Variants in PLA2G4A observed in about 807,000 individuals in gnomAD.
The protein encoded by PLA2G4A is phospholipase A2 group IVA, also known as cytosolic phospholipase A2.
Under a neutral mutation model 81.9 loss-of-function variants are expected in PLA2G4A, and 40 were observed. The observed-to-expected ratio is 0.49, with a 90% confidence interval of 0.38 to 0.64. PLA2G4A has a LOEUF of 0.64. PLA2G4A is among the 30% of genes least tolerant of loss of function. The pLI, the probability that PLA2G4A is intolerant of heterozygous loss-of-function variation, is 0.00. For missense variants in PLA2G4A, 715 were observed against 905.1 expected (o/e 0.79, Z 2.69); for synonymous variants, 302 against 296.9 (o/e 1.02, Z -0.18).
chr1:186,927,899 G>T (rs528526096), intron 7 of PLA2G4A, among the ~76,000 whole-genome samples: 1 of 152,024 alleles, frequency 6.6e-6, no homozygotes, highest in Non-Finnish European at 1.5e-5. Context: ...ATATTTCCTC[G>T]CCTCTTTCCA....
At chr1:186,923,504 A>G (rs933415946) in intron 7 of PLA2G4A, among the ~76,000 whole-genome samples, 11 of 152,258 alleles carry the variant, frequency 7.2e-5, no homozygotes, top group Non-Finnish European at 8.8e-5. Flanking sequence ...TGAGATGGCT[A>G]GCCCTGAGGA....
At chr1:186,984,233 A>G (rs779147870) in intron 17 of PLA2G4A, among the ~76,000 whole-genome samples, 20 of 152,254 alleles carry the variant, frequency 1.3e-4, no homozygotes, top group Non-Finnish European at 2.6e-4. Flanking sequence ...ACCATGGGGA[A>G]TTTGTATATA....
At chr1:186,831,125 A>G (rs575574987) in intron 1 of PLA2G4A, among the ~76,000 whole-genome samples, 143 of 152,032 alleles carry the variant, frequency 9.4e-4, no homozygotes, top group African/African-American at 3.4e-3. Flanking sequence ...CCCTCCCTAG[A>G]ATAATGCACA....
At position 186,979,477 on chromosome 1, in the gene PLA2G4A, G is replaced by GT. The variant is rs1657645581; in HGVS notation, c.2118+6dup. The GT allele has an allele frequency of 2.6e-6, 4 of 1,558,440 alleles. No homozygotes were observed. The highest frequency in any genetic ancestry group is 3.5e-6 in the Non-Finnish European group (4 of 1,129,480). On this transcript the variant is annotated splice_donor_region_variant and intron_variant, in intron 17 of 17. Transcript: ENST00000367466. ...AATACTCTGAACAACATTGATGTAA[G>GT]TATCTCCTATGGCCATTGACTATGT...
intron 14 of PLA2G4A, among the ~76,000 whole-genome samples, chr1:186,964,588 C>G (rs1194725031): frequency 6.6e-6 from 1 of 152,090 alleles, no homozygotes; most frequent in Non-Finnish European, 1.5e-5. Flanking sequence ...TATCATTATT[C>G]TTATTTCAGT....
intron 1 of PLA2G4A, among the ~76,000 whole-genome samples, chr1:186,853,291 A>G (rs901164604): frequency 2.0e-5 from 3 of 151,826 alleles, no homozygotes. Flanking sequence ...CTCTTTTCCT[A>G]TTGCTTTAAG....
intron 12 of PLA2G4A, among the ~76,000 whole-genome samples, 189 bp from the exon 13 acceptor site, chr1:186,950,468 G>C (rs1181233664): frequency 6.6e-6 from 1 of 151,952 alleles, no homozygotes; most frequent in Admixed American, 6.6e-5. Context: ...AGGAAATTTT[G>C]TTTCCAGTGA....
chr1:186,870,364 A>G, intron 2 of PLA2G4A, 71 bp from the exon 3 acceptor site: 1 of 889,278 alleles, frequency 1.1e-6, no homozygotes, highest in South Asian at 1.4e-5. Flanking sequence ...AATATTTTAA[A>G]TTAATCTCAA....
chr1:186,861,117 C>T (rs1401544443), intron 2 of PLA2G4A, among the ~76,000 whole-genome samples: 1 of 152,130 alleles, frequency 6.6e-6, no homozygotes, highest in Admixed American at 6.6e-5. Flanking sequence ...CCGTCAGGCC[C>T]CTGGGGACAC....
chr1:186,909,677 A>G (rs1259458013), intron 6 of PLA2G4A, among the ~76,000 whole-genome samples: 3 of 151,740 alleles, frequency 2.0e-5, no homozygotes, highest in African/African-American at 4.8e-5. Flanking sequence ...AAAAAAAAAA[A>G]AAAAGTTAAC....
At chr1:186,934,253 C>T (rs1289192895) in intron 8 of PLA2G4A, among the ~76,000 whole-genome samples, 1 of 151,846 alleles carries the variant, frequency 6.6e-6, no homozygotes, top group Non-Finnish European at 1.5e-5. Context: ...AAGAAGCTTA[C>T]TTTCTTAAAC....
At chr1:186,922,065 C>A (rs1416766229) in intron 7 of PLA2G4A, among the ~76,000 whole-genome samples, 1 of 152,112 alleles carries the variant, frequency 6.6e-6, no homozygotes, top group African/African-American at 2.4e-5. Context: ...TCCTTTAAAT[C>A]CCTTTTTGAA....
intron 15 of PLA2G4A, among the ~76,000 whole-genome samples, chr1:186,974,513 C>T (rs1261519371): frequency 6.6e-6 from 1 of 152,132 alleles, no homozygotes; most frequent in Non-Finnish European, 1.5e-5. Context: ...CCAAAATGAG[C>T]ACAGACATCT....
chr1:186,870,559 G>A (rs963133550), intron 3 of PLA2G4A, 43 bp downstream of exon 3: 2 of 1,376,252 alleles, frequency 1.5e-6, no homozygotes, highest in Non-Finnish European at 2.1e-6. Context: ...TGTAATTATG[G>A]TTCAGCCTTT....
chr1:186,914,097 G>GT (rs10709187), intron 7 of PLA2G4A, among the ~76,000 whole-genome samples: 183 of 149,916 alleles, frequency 1.2e-3, no homozygotes, highest in Non-Finnish European at 1.5e-3. Flanking sequence ...GTTTTTTTGT[G>GT]TTTTTTTTTT....
chr1:186,925,719 C>A (rs1323775989), intron 7 of PLA2G4A, among the ~76,000 whole-genome samples: 1 of 152,184 alleles, frequency 6.6e-6, no homozygotes. Context: ...TAAGCTAGTT[C>A]TCTCAGTTAT....
At position 186,949,387 on chromosome 1, in the gene PLA2G4A, GA is replaced by G. The variant is rs71108303; in HGVS notation, c.1265-1264del. ...GAAAGAAAGAAAAGAAAGAAAGAAA[GA>G]AAAAAGAAAAAGAAAGAAGAAAGAA... On this transcript the variant is annotated intron_variant, in intron 12 of 17. Transcript: ENST00000367466. Among the ~76,000 whole-genome samples the G allele has an allele frequency of 5.5e-5, 8 of 145,296 alleles. No individual in the cohort carries two copies. The South Asian group carries it at 9.0e-4, about 16-fold the overall frequency.
chr1:186,981,179 A>G (rs560860015), intron 17 of PLA2G4A, among the ~76,000 whole-genome samples: 2 of 152,064 alleles, frequency 1.3e-5, no homozygotes, highest in South Asian at 4.1e-4. Flanking sequence ...AAAACTACAC[A>G]TTCCTTGGGA....
At chr1:186,907,057 T>C in intron 6 of PLA2G4A, 55 bp downstream of exon 6, 1 of 926,558 alleles carries the variant, frequency 1.1e-6, no homozygotes, top group Non-Finnish European at 1.8e-6. Context: ...CACTAATTTA[T>C]TTTAATTGTT....
Sources: gnomAD v4.1 joint callset for allele counts (sites outside exome capture counted in the v4.1 genomes callset) on GRCh38, gnomAD v4.1.1 for gene constraint, MANE v1.5 for transcripts, NCBI Gene and HGNC (gene_info 2026-07-23, HGNC 2026-07-21) for gene names.